EFR3B: variants seen among roughly 807,000 people sequenced by gnomAD.
The protein encoded by EFR3B is EFR3 homolog B.
Under a neutral mutation model 104.7 loss-of-function variants are expected in EFR3B, and 64 were observed. The observed-to-expected ratio is 0.61, with a 90% CI of 0.50 to 0.75. The LOEUF (loss-of-function observed/expected upper bound fraction) is 0.75. EFR3B is among the 30% of genes least tolerant of loss of function. EFR3B has a pLI of 0.00. For synonymous variants in EFR3B, 385 were observed against 417.9 expected, an observed-to-expected ratio of 0.92 and a Z score of 0.96; for missense variants, 750 against 1,078.5, an observed-to-expected ratio of 0.70 and a Z score of 4.27.
Position 25,131,810 on chromosome 2 carries a change from A to ACG in EFR3B, c.1050_1051dup (p.Leu351ArgfsTer2). On this transcript the variant is annotated frameshift_variant, in exon 10 of 23. Coordinates refer to ENST00000403714, the MANE Select transcript of EFR3B (RefSeq NM_014971.2). LOFTEE classifies it high-confidence loss of function. The surrounding 1 kb of genome is among the most constrained non-coding windows in gnomAD (Gnocchi z 7.6). ...AGGCAGCTGCGGCTCAGCATCGACT[A>ACG]CGCGCTGACCGGGAGCTACGACGGG... 1 of 1,549,432 alleles carries ACG rather than the reference A, an allele frequency of 6.5e-7. No homozygotes were observed. Among genetic ancestry groups the ACG allele is most frequent in the East Asian group, 2.4e-5 (1 of 40,884 alleles).
intron 1 of EFR3B, among the ~76,000 whole-genome samples, chr2:25,058,683 C>G (rs1668090577): frequency 6.6e-6 from 1 of 151,628 alleles, no homozygotes; most frequent in Non-Finnish European, 1.5e-5. Context: ...TGCTTGAACC[C>G]TGGAGGGGGA....
At chr2:25,093,271 G>A in intron 3 of EFR3B, 141 bp downstream of exon 3, 3 of 1,141,794 alleles carry the variant, frequency 2.6e-6, no homozygotes, top group African/African-American at 1.6e-5. Context: ...AAGGTGGGAG[G>A]ATCACTGAGG....
chr2:25,096,355 C>T (rs1045171560), intron 3 of EFR3B, among the ~76,000 whole-genome samples: 4 of 152,190 alleles, frequency 2.6e-5, no homozygotes, highest in African/African-American at 9.7e-5. Context: ...TTCATCTCCT[C>T]TAGCCTTTCT....
chr2:25,056,436 CT>C lies in EFR3B; in HGVS notation c.7+14131del, dbSNP rs5829958. 2.6e-3 allele frequency among the ~76,000 whole-genome samples: 362 copies of C among 140,818 alleles called. 3 individuals are homozygous for C. Among genetic ancestry groups the C allele is most frequent in the African/African-American group, 6.6e-3 (249 of 37,988 alleles). The allele number at this position is 140,818 out of a possible 152,430, so 92.4% of individuals were successfully genotyped here. ...TTGATTTCCATTCATATTACTTGTG[CT>C]TTTTTTTTTTTTTAACAAAACAAGA... On this transcript the variant is annotated intron_variant, in intron 1 of 22. Coordinates refer to ENST00000403714, the MANE Select transcript of EFR3B (RefSeq NM_014971.2).
At chr2:25,051,763 G>A (rs1488479849) in intron 1 of EFR3B, among the ~76,000 whole-genome samples, 1 of 150,832 alleles carries the variant, frequency 6.6e-6, no homozygotes, top group African/African-American at 2.4e-5. Context: ...AGCCTCCCGA[G>A]TAGCTGGGTT....
At chr2:25,066,580 C>T (rs1430651920) in intron 1 of EFR3B, among the ~76,000 whole-genome samples, 4 of 152,310 alleles carry the variant, frequency 2.6e-5, no homozygotes, top group African/African-American at 9.6e-5. Context: ...CATGGGGAGG[C>T]ATCTAAACCA....
chr2:25,131,726 G>A lies in EFR3B; in HGVS notation c.986-24G>A. Reference sequence around the variant, plus strand: ...AGGAGGGTGCCAGCCTTGGATCTCGGGTGTCCCGCCCCACCGCTCTCAGGG... The same window carrying A: ...AGGAGGGTGCCAGCCTTGGATCTCGAGTGTCCCGCCCCACCGCTCTCAGGG... On this transcript the variant is annotated intron_variant, in intron 9 of 22. Coordinates refer to ENST00000403714, the MANE Select transcript of EFR3B (RefSeq NM_014971.2). The surrounding 1 kb of genome is among the most constrained non-coding windows in gnomAD (Gnocchi z 7.6). 2 of 1,488,832 alleles carry A rather than the reference G, an allele frequency of 1.3e-6. No homozygotes were observed. The highest frequency in any genetic ancestry group is 1.8e-6 in the Non-Finnish European group (2 of 1,113,478). 92.2% of individuals were successfully genotyped at this position (1,488,832 alleles called of 1,614,324 possible).
At position 25,042,543 on chromosome 2, in the gene EFR3B, G is replaced by T; in HGVS notation, c.7+224G>T. On this transcript the variant is annotated intron_variant, in intron 1 of 22. Transcript: ENST00000403714. This position sits in a 1 kb window ranked among gnomAD's most constrained non-coding sequence, Gnocchi z 5.4. ...GTCCTCTCCAGGCCCGGCGCGTGCC[G>T]GTGCTGGGCGGTGGTCCTTCGGGGG... is the stretch of plus-strand genomic sequence containing the variant. The T allele has an allele frequency of 8.3e-7, 1 of 1,206,514 alleles. No homozygotes were observed. The highest frequency in any genetic ancestry group is 1.0e-6 in the Non-Finnish European group (1 of 971,964). The allele number at this position is 1,206,514 out of a possible 1,614,324, so 74.7% of individuals were successfully genotyped here. A position where few individuals can be genotyped will look rare whatever the true frequency, so the allele number is the denominator to read the frequency against.
rs76388148 is a variant in EFR3B at position 25,129,648 on chromosome 2, A to G, written c.636-327A>G. Among the ~76,000 whole-genome samples, 757 of 151,828 alleles carry G rather than the reference A, an allele frequency of 5.0e-3. 4 individuals are homozygous for G. Among genetic ancestry groups the G allele is most frequent in the African/African-American group, 0.018 (727 of 41,354 alleles). On this transcript the variant is annotated intron_variant, in intron 6 of 22. Coordinates refer to ENST00000403714, the MANE Select transcript of EFR3B (RefSeq NM_014971.2). ...CATCTCCTTTTCCTTCTGAAGTCTT[A>G]GGTGCATCAAGACACACATGTTCTA...
intron 21 of EFR3B, among the ~76,000 whole-genome samples, chr2:25,152,716 A>G (rs887953079): frequency 6.6e-6 from 1 of 152,212 alleles, no homozygotes; most frequent in Non-Finnish European, 1.5e-5. Context: ...CTTAGTAACA[A>G]TGAAACATAA....
chr2:25,109,389 A>T (rs1379965238), intron 4 of EFR3B, among the ~76,000 whole-genome samples: 1 of 152,250 alleles, frequency 6.6e-6, no homozygotes. Context: ...GTTTGCAAGG[A>T]TGTGTGGAAA....
intron 5 of EFR3B, 25 bp downstream of exon 5, chr2:25,121,819 T>G: frequency 6.4e-7 from 1 of 1,551,700 alleles, no homozygotes; most frequent in Non-Finnish European, 8.7e-7. Context: ...GCAAGGGTAG[T>G]TGGTTCAGCT....
At position 25,154,492 on chromosome 2, in the gene EFR3B, C is replaced by A; in HGVS notation, c.*152C>A. ...CAGGCTAAGCCAAGGTGGAGACTCT[C>A]TGGTCCTTCTTGGCCCTCCTACCTC... On this transcript the variant is annotated 3_prime_UTR_variant, in exon 23 of 23. Coordinates refer to ENST00000403714, the MANE Select transcript of EFR3B (RefSeq NM_014971.2). The surrounding 1 kb of genome is among the most constrained non-coding windows in gnomAD (Gnocchi z 4.1). 1 of 681,388 alleles carries A rather than the reference C, an allele frequency of 1.5e-6. No homozygotes were observed. The highest frequency in any genetic ancestry group is 2.0e-5 in the South Asian group (1 of 51,190). The allele number at this position is 681,388 out of a possible 1,614,324, so 42.2% of individuals were successfully genotyped here. A position where few individuals can be genotyped will look rare whatever the true frequency, so the allele number is the denominator to read the frequency against.
rs1359689582 is a variant in EFR3B at position 25,051,837 on chromosome 2, A to G, written c.7+9518A>G. ...GTATTTTTAGTGAAGACAGGGTTTC[A>G]CCATGTTGGCCAGGCTGATCTTGAT... On this transcript the variant is annotated intron_variant, in intron 1 of 22. Coordinates refer to ENST00000403714, the MANE Select transcript of EFR3B (RefSeq NM_014971.2). Among the ~76,000 whole-genome samples, 4 of 149,752 alleles carry G rather than the reference A, an allele frequency of 2.7e-5. 1 individual carries two copies. The highest frequency in any genetic ancestry group is 9.8e-5 in the African/African-American group (4 of 40,962).
chr2:25,101,281 G>A (rs566960774), intron 3 of EFR3B, among the ~76,000 whole-genome samples: 1 of 152,128 alleles, frequency 6.6e-6, no homozygotes. Context: ...AGGACACAGA[G>A]GGCAGTCATG....
At chr2:25,078,890 C>T (rs1668709882) in intron 1 of EFR3B, among the ~76,000 whole-genome samples, 2 of 152,156 alleles carry the variant, frequency 1.3e-5, no homozygotes, top group African/African-American at 4.8e-5. Flanking sequence ...CCTTCAACAT[C>T]TCCAGCTTGT....
At chr2:25,043,046 G>A (rs1167471135) in intron 1 of EFR3B, among the ~76,000 whole-genome samples, 2 of 152,140 alleles carry the variant, frequency 1.3e-5, no homozygotes, top group Non-Finnish European at 2.9e-5. Context: ...ACTCCCTCTG[G>A]TTTTGCAGGC....
intron 1 of EFR3B, among the ~76,000 whole-genome samples, chr2:25,083,007 C>G (rs1668852535): frequency 6.6e-6 from 1 of 152,164 alleles, no homozygotes; most frequent in Non-Finnish European, 1.5e-5. Context: ...CGAGGGAGGT[C>G]TCACCATTCT....
intron 1 of EFR3B, among the ~76,000 whole-genome samples, chr2:25,047,831 CAAAT>C (rs1221781948): frequency 2.6e-5 from 4 of 151,936 alleles, no homozygotes; most frequent in East Asian, 1.9e-4. Context: ...AAAAATAAAA[CAAAT>C]AAAAATTTAT....
Sources: gnomAD v4.1 joint callset for allele counts (sites outside exome capture counted in the v4.1 genomes callset) on GRCh38, gnomAD v4.1.1 for gene constraint, Gnocchi (gnomAD v3.1) non-coding constraint, MANE v1.5 for transcripts, NCBI Gene and HGNC (gene_info 2026-07-23, HGNC 2026-07-21) for gene names.